The following CRB1 variants were observed in gnomAD, a reference collection of about 807,000 sequenced individuals.
The protein encoded by CRB1 is crumbs cell polarity complex component 1, also known as protein crumbs homolog 1.
A neutral mutation model predicts 120.0 loss-of-function variants in CRB1; 83 were observed. The ratio of observed to expected loss-of-function variants is 0.69; its 90% confidence interval spans 0.58 to 0.83. The LOEUF (loss-of-function observed/expected upper bound fraction) is 0.83, where lower values mean the gene tolerates loss of function less well. CRB1 is among the 40% of genes least tolerant of loss of function. The pLI, the probability that CRB1 is intolerant of heterozygous loss-of-function variation, is 0.00. For missense variants in CRB1, 1,699 were observed against 1,687.6 expected, an observed-to-expected ratio of 1.01 and a Z score of -0.12; for synonymous variants, 625 against 612.5, an observed-to-expected ratio of 1.02 and a Z score of -0.30.
the CRB1 span, among the ~76,000 whole-genome samples, chr1:197,262,688 C>G: frequency 6.6e-6 from 1 of 152,092 alleles, no homozygotes; most frequent in African/African-American, 2.4e-5. Context: ...CCCCCTTCTT[C>G]TTAACAATAG....
chr1:197,410,578 T>C (rs1663656304), intron 5 of CRB1, among the ~76,000 whole-genome samples: 1 of 152,232 alleles, frequency 6.6e-6, no homozygotes, highest in South Asian at 2.1e-4. Flanking sequence ...TCCTTATTAG[T>C]GGCCTTCTAA....
chr1:197,314,338 T>C (rs1416542394), intron 1 of CRB1, among the ~76,000 whole-genome samples: 1 of 152,224 alleles, frequency 6.6e-6, no homozygotes, highest in Non-Finnish European at 1.5e-5. Context: ...TTTCAGATAT[T>C]TTACTTTTCA....
rs140575239 is a variant in CRB1, at chr1:197,307,701, G to A, written c.71-20721G>A. On this transcript the variant is annotated intron_variant, in intron 1 of 11. Coordinates refer to ENST00000367400, the MANE Select transcript of CRB1 (RefSeq NM_201253.3). The stretch of plus-strand genomic sequence containing the variant: ...ATCACTGACAGGTAGATGATTTACA[G>A]TTGTGAATGATGAGTTACTCATTAA... 2.1e-3 allele frequency among the ~76,000 whole-genome samples: 325 copies of A among 152,292 alleles called. 1 individual carries two copies. The highest frequency in any genetic ancestry group is 7.3e-3 in the African/African-American group (305 of 41,570).
chr1:197,342,830 G>T (rs1659546854), intron 2 of CRB1, among the ~76,000 whole-genome samples: 1 of 152,160 alleles, frequency 6.6e-6, no homozygotes, highest in Non-Finnish European at 1.5e-5. Flanking sequence ...CAACCTCGTT[G>T]TTAGTAGTGA....
intron 1 of CRB1, among the ~76,000 whole-genome samples, chr1:197,294,197 G>T (rs1008497726): frequency 6.6e-6 from 1 of 151,960 alleles, no homozygotes; most frequent in Non-Finnish European, 1.5e-5. Flanking sequence ...AATCTACAAA[G>T]AACTCAAACA....
At chr1:197,455,898 G>A (rs910755863) in intron 11 of CRB1, among the ~76,000 whole-genome samples, 1 of 151,906 alleles carries the variant, frequency 6.6e-6, no homozygotes, top group African/African-American at 2.4e-5. Context: ...ATATTTTGGA[G>A]ACTAATTATA....
chr1:197,278,951 A>G (rs1298773738), intron 1 of CRB1, among the ~76,000 whole-genome samples: 16 of 151,972 alleles, frequency 1.1e-4, no homozygotes, highest in Non-Finnish European at 7.4e-5. Context: ...AAATAATGTC[A>G]GAAGTCTGTG....
At chr1:197,428,526 C>T (rs1664712593) in intron 7 of CRB1, among the ~76,000 whole-genome samples, 1 of 152,178 alleles carries the variant, frequency 6.6e-6, no homozygotes, top group African/African-American at 2.4e-5. Flanking sequence ...CTTCTAAGAG[C>T]TGCTTAAATA....
At chr1:197,300,705 C>T (rs913713395) in intron 1 of CRB1, among the ~76,000 whole-genome samples, 17 of 152,154 alleles carry the variant, frequency 1.1e-4, no homozygotes, top group Non-Finnish European at 1.3e-4. Flanking sequence ...CTGAAAAGCA[C>T]ATTTTCAGTG....
intron 5 of CRB1, chr1:197,357,266 T>C (rs1375685666): frequency 7.4e-6 from 4 of 540,956 alleles, no homozygotes; most frequent in Non-Finnish European, 1.3e-5. Flanking sequence ...TACTGGGAAC[T>C]GGAGTGCATC....
At chr1:197,369,108 G>T (rs192323613) in intron 5 of CRB1, among the ~76,000 whole-genome samples, 2 of 152,146 alleles carry the variant, frequency 1.3e-5, no homozygotes, top group African/African-American at 4.8e-5. Context: ...ACGTGGTCTA[G>T]TGTGTGTTTA....
intron 7 of CRB1, 25 bp downstream of exon 7, chr1:197,428,026 G>C (rs760584652): frequency 6.3e-7 from 1 of 1,586,682 alleles, no homozygotes; most frequent in African/African-American, 1.3e-5. Context: ...TACAAACTAG[G>C]TATATACTGT....
chr1:197,201,757 C>CT, the CRB1 span, among the ~76,000 whole-genome samples: 2 of 152,212 alleles, frequency 1.3e-5, no homozygotes, highest in Non-Finnish European at 2.9e-5. Context: ...AGCTAACCTA[C>CT]TGGCGTGCAC....
intron 1 of CRB1, among the ~76,000 whole-genome samples, chr1:197,320,191 A>G (rs777761524): frequency 2.3e-4 from 35 of 152,216 alleles, no homozygotes; most frequent in Non-Finnish European, 4.6e-4. Flanking sequence ...AAAACCATAA[A>G]TAGTCCTCGT....
upstream of CRB1, among the ~76,000 whole-genome samples, chr1:197,266,624 T>C (rs564440442): frequency 6.6e-6 from 1 of 152,344 alleles, no homozygotes; most frequent in East Asian, 1.9e-4. Flanking sequence ...ATTTGTATAA[T>C]GGCTATATCC....
chr1:197,442,614 T>G, intron 11 of CRB1: 1 of 1,171,804 alleles, frequency 8.5e-7, no homozygotes, highest in Non-Finnish European at 1.1e-6. Flanking sequence ...ACTTTAAATA[T>G]GAAAAAAGTG....
At chr1:197,441,659 C>CTTTTTTTTTTTTTTTTTTTTTT (rs5779872) in intron 10 of CRB1, 2 of 68,212 alleles carry the variant, frequency 2.9e-5, no homozygotes, top group African/African-American at 5.8e-5. Flanking sequence ...TTCCCTCCTT[C>CTTTTTTTTTTTTTTTTTTTTTT]TTTTTTTTTT....
At chr1:197,212,061 T>A in the CRB1 span, among the ~76,000 whole-genome samples, 1 of 152,096 alleles carries the variant, frequency 6.6e-6, no homozygotes, top group Non-Finnish European at 1.5e-5. Context: ...AGATGCAAAT[T>A]AAAACCACAA....
In CRB1 at chr1:197,337,120, G is replaced by A. The variant is rs372251339; in HGVS notation, c.653-7161G>A. On this transcript the variant is annotated intron_variant, in intron 2 of 11. Coordinates refer to ENST00000367400, the MANE Select transcript of CRB1 (RefSeq NM_201253.3). Reference sequence around the variant, plus strand: ...TTTTGGGAGGTAATTTGGTCATTGCGGGGAAGCTCTCATAAATAGGCTATG... The same window carrying A: ...TTTTGGGAGGTAATTTGGTCATTGCAGGGAAGCTCTCATAAATAGGCTATG... Among the ~76,000 whole-genome samples, 19 of 152,246 alleles carry A rather than the reference G, an allele frequency of 1.2e-4. No homozygotes were observed. The South Asian group carries it at 3.1e-3, about 25-fold the overall frequency.
Sources: allele counts gnomAD v4.1 joint callset (sites outside exome capture counted in the v4.1 genomes callset), GRCh38; gene constraint gnomAD v4.1.1; transcripts MANE v1.5; gene names NCBI Gene and HGNC (gene_info 2026-07-23, HGNC 2026-07-21).